GYG2: variants seen among roughly 807,000 people sequenced by gnomAD.
The protein encoded by GYG2 is glycogenin-2.
Under a neutral mutation model 29.4 loss-of-function variants are expected in GYG2, and 29 were observed. That is an observed-to-expected ratio of 0.99 (90% CI 0.74 to 1.35). The LOEUF is 1.35. Ranked by LOEUF, GYG2 falls within the 40% of genes most tolerant of loss-of-function variation. The pLI is 0.00. For synonymous variants in GYG2, 167 were observed against 172.3 expected (o/e 0.97, Z 0.24); for missense variants, 370 against 385.7 (o/e 0.96, Z 0.34).
At chrX:2,854,846 C>A in intron 4 of GYG2, 147 bp from the exon 5 acceptor site, 1 of 521,105 alleles carries the variant, frequency 1.9e-6, no homozygotes, top group Non-Finnish European at 3.1e-6. Flanking sequence ...GTGGGGGGAT[C>A]GCTTGAACCC....
chrX:2,856,031 G>A (rs1298930583), intron 5 of GYG2, among the ~76,000 whole-genome samples: 1 of 112,363 alleles, frequency 8.9e-6, no homozygotes, highest in Non-Finnish European at 1.9e-5. Context: ...AGAATTAAAA[G>A]GAGGCAACCT....
intron 8 of GYG2, among the ~76,000 whole-genome samples, chrX:2,868,517 C>T (rs1197516726): frequency 9.2e-6 from 1 of 108,669 alleles, no homozygotes; most frequent in Non-Finnish European, 1.9e-5. Context: ...TTTCATCCTT[C>T]GATCTCACCC....
intron 1 of GYG2, among the ~76,000 whole-genome samples, chrX:2,829,662 C>T (rs62582293): frequency 0.13 from 12,947 of 99,580 alleles, 780 homozygotes; most frequent in South Asian, 0.23. Context: ...AGGGGTGGTC[C>T]AGGGAGTGGA....
At position 2,855,007 on chromosome X, in the gene GYG2, CGAT is replaced by C. The variant is rs778203424; in HGVS notation, c.342_344del (p.Asp114del). ...TGCTTCACCAGGTGCTGTCCAATGT[CGAT>C]GAGCTGTTTGACAGGGGAGAGTTTT... On this transcript the variant is annotated inframe_deletion, in exon 5 of 11. Transcript: ENST00000398806. The C allele has an allele frequency of 1.7e-6, 2 of 1,211,081 alleles. No homozygotes were observed. Among genetic ancestry groups the C allele is most frequent in the Non-Finnish European group, 2.2e-6 (2 of 894,921 alleles).
intron 8 of GYG2, 147 bp downstream of exon 8, chrX:2,861,869 C>T (rs1282309906): frequency 2.1e-6 from 1 of 482,083 alleles, no homozygotes; most frequent in Non-Finnish European, 3.6e-6. Context: ...CAAGGCTCTG[C>T]ATTTATTTTT....
rs764333013 is a variant in GYG2, at chrX:2,864,748, A to G, written c.1038+3026A>G. On this transcript the variant is annotated intron_variant, in intron 8 of 10. Transcript: ENST00000398806. ...TGTTTTTGCAGATGATCTTAGAAGC[A>G]TTCTTCTTTTTCTTTCTTTTTTTTT... Among the ~76,000 whole-genome samples the G allele has an allele frequency of 2.8e-5, 3 of 108,458 alleles. No individual in the cohort carries two copies. In the South Asian group the frequency reaches 1.2e-3, roughly 42 times the overall value. 94.2% of individuals were successfully genotyped at this position (108,458 alleles called of 115,157 possible).
intron 8 of GYG2, among the ~76,000 whole-genome samples, chrX:2,873,001 G>A (rs777152340): frequency 2.9e-4 from 32 of 112,004 alleles, no homozygotes; most frequent in Non-Finnish European, 4.9e-4. Context: ...TTGGTGTTTT[G>A]CAAGGCGCAT....
At chrX:2,857,623 CATCT>C (rs2147212352) in intron 6 of GYG2, among the ~76,000 whole-genome samples, 1 of 110,531 alleles carries the variant, frequency 9.0e-6, no homozygotes, top group East Asian at 2.9e-4. Flanking sequence ...TAGATCTAGA[CATCT>C]ATCTATATAT....
intron 8 of GYG2, among the ~76,000 whole-genome samples, chrX:2,861,926 G>T (rs890281376): frequency 1.8e-5 from 2 of 111,780 alleles, no homozygotes; most frequent in African/African-American, 6.5e-5. Context: ...AGATGTCTAT[G>T]CCCCAATCCC....
At chrX:2,846,036 C>CACATAT (rs1199380183) in intron 3 of GYG2, among the ~76,000 whole-genome samples, 6 of 33,057 alleles carry the variant, frequency 1.8e-4, no homozygotes, top group African/African-American at 5.5e-4. Flanking sequence ...TATATATACA[C>CACATAT]ATATATATAT....
At chrX:2,877,169 G>A (rs771196280) in intron 9 of GYG2, 31 bp from the exon 10 acceptor site, 6 of 1,201,591 alleles carry the variant, frequency 5.0e-6, no homozygotes, top group East Asian at 3.0e-5. Context: ...GCAGCCCACC[G>A]CAGACTAATG....
intron 3 of GYG2, among the ~76,000 whole-genome samples, chrX:2,852,218 C>G (rs755742705): frequency 8.9e-6 from 1 of 112,096 alleles, no homozygotes; most frequent in African/African-American, 3.2e-5. Context: ...GATTGCACCA[C>G]TGAACTCTAG....
chrX:2,867,233 T>C (rs1321371566), intron 8 of GYG2, among the ~76,000 whole-genome samples: 1 of 111,473 alleles, frequency 9.0e-6, no homozygotes, highest in Non-Finnish European at 1.9e-5. Context: ...GTATCTCCCA[T>C]CTCAGGGACT....
intron 10 of GYG2, among the ~76,000 whole-genome samples, chrX:2,879,766 C>T (rs933518886): frequency 7.2e-5 from 8 of 110,769 alleles, no homozygotes; most frequent in Admixed American, 3.8e-4. Flanking sequence ...GAGTATAGAA[C>T]GGATGGATGG....
chrX:2,877,621 T>C (rs1462442310), intron 10 of GYG2: 1 of 752,411 alleles, frequency 1.3e-6, no homozygotes, highest in Admixed American at 8.8e-5. Context: ...CAATCCATTT[T>C]CTGAAATGAA....
intron 2 of GYG2, among the ~76,000 whole-genome samples, chrX:2,842,694 C>T (rs2087529624): frequency 9.0e-6 from 1 of 111,428 alleles, no homozygotes; most frequent in Admixed American, 9.6e-5. Context: ...ATGGGCATAG[C>T]AGTTGGGTTG....
At chrX:2,876,144 CTGTT>C (rs1287823686) in intron 9 of GYG2, among the ~76,000 whole-genome samples, 4 of 97,965 alleles carry the variant, frequency 4.1e-5, no homozygotes, top group Admixed American at 2.5e-4. Flanking sequence ...ATCTGGCTGT[CTGTT>C]CGAACTTATT....
chrX:2,841,016 GATA>G (rs2087483034), intron 2 of GYG2, among the ~76,000 whole-genome samples: 2 of 109,758 alleles, frequency 1.8e-5, no homozygotes, highest in East Asian at 5.8e-4. Context: ...TAGATAGATA[GATA>G]GAAGGATGGA....
In GYG2 at chrX:2,881,384, C is replaced by T. The variant is rs2088718147; in HGVS notation, c.*171C>T. The T allele has an allele frequency of 2.5e-6, 1 of 404,912 alleles. No homozygotes were observed. The highest frequency in any genetic ancestry group is 4.0e-6 in the Non-Finnish European group (1 of 246,984). 33.4% of individuals were successfully genotyped at this position (404,912 alleles called of 1,213,427 possible). A position where few individuals can be genotyped will look rare whatever the true frequency, so the allele number is the denominator to read the frequency against. On this transcript the variant is annotated 3_prime_UTR_variant, in exon 11 of 11. Transcript: ENST00000398806. ...ACAAAAAACGTAGAGTATAGAAATC[C>T]ACCTTAAAGCCCCTCGCCCCAACTT... is the stretch of plus-strand genomic sequence containing the variant.
Sources: gnomAD v4.1 joint callset for allele counts (sites outside exome capture counted in the v4.1 genomes callset) on GRCh38, gnomAD v4.1.1 for gene constraint, MANE v1.5 for transcripts, NCBI Gene and HGNC (gene_info 2026-07-23, HGNC 2026-07-21) for gene names.